Variants in LRRD1 observed in about 807,000 individuals in gnomAD.
LRRD1 encodes the protein leucine rich repeats and death domain containing 1, also known as leucine-rich repeat and death domain-containing protein 1.
LRRD1 carries 49 observed loss-of-function variants against 69.5 expected under a neutral mutation model. The ratio of observed to expected loss-of-function variants is 0.70; its 90% CI spans 0.56 to 0.89. The LOEUF (loss-of-function observed/expected upper bound fraction) is 0.89, where lower values mean the gene tolerates loss of function less well. Among genes scored for constraint, LRRD1 ranks in the 40% least tolerant of loss-of-function variants. LRRD1 has a pLI of 0.00. For missense variants in LRRD1, 853 were observed against 956.0 expected (o/e 0.89, Z 1.42); for synonymous variants, 303 against 338.9 (o/e 0.89, Z 1.16).
At chr7:92,147,835 G>A (rs1285515308) in intron 4 of LRRD1, among the ~76,000 whole-genome samples, 1 of 152,016 alleles carries the variant, frequency 6.6e-6, no homozygotes, top group Non-Finnish European at 1.5e-5. Flanking sequence ...AGGCTCAAGC[G>A]ACTCTCCCAC....
intron 1 of LRRD1, among the ~76,000 whole-genome samples, chr7:92,177,593 T>C (rs1201505526): frequency 6.6e-6 from 1 of 152,198 alleles, no homozygotes; most frequent in African/African-American, 2.4e-5. Flanking sequence ...GCTCTTACTT[T>C]CAAGGCTGTC....
chr7:92,155,240 G>A (rs1788627952), intron 3 of LRRD1, among the ~76,000 whole-genome samples: 1 of 152,170 alleles, frequency 6.6e-6, no homozygotes, highest in Admixed American at 6.5e-5. Context: ...ATGAACACAA[G>A]CACTGTGATA....
downstream of LRRD1, chr7:92,142,958 T>C (rs1820200527): frequency 3.8e-6 from 1 of 260,580 alleles, no homozygotes; most frequent in Non-Finnish European, 7.7e-6. Flanking sequence ...AGGTTGCCAC[T>C]GCTGGCTCAG....
At chr7:92,174,500 TATA>T (rs1789134503) in intron 1 of LRRD1, among the ~76,000 whole-genome samples, 11 of 20,404 alleles carry the variant, frequency 5.4e-4, no homozygotes, top group Non-Finnish European at 1.0e-3. Flanking sequence ...TATATATATA[TATA>T]TATATATTTT....
chr7:92,143,519 A>G (rs187796505), downstream of LRRD1, among the ~76,000 whole-genome samples: 301 of 152,242 alleles, frequency 2.0e-3, 1 homozygote, highest in African/African-American at 6.7e-3. Flanking sequence ...GCCCCGCGGG[A>G]AGGCAGCTAA....
In LRRD1 at chr7:92,156,163, C is replaced by G. The variant is rs568837632; in HGVS notation, c.2116+2842G>C. Among the ~76,000 whole-genome samples the G allele has an allele frequency of 3.9e-5, 6 of 152,320 alleles. No individual in the cohort carries two copies. The South Asian group carries it at 1.0e-3, about 26-fold the overall frequency. On this transcript the variant is annotated intron_variant, in intron 3 of 5. Coordinates refer to ENST00000458448, the MANE Select transcript of LRRD1 (RefSeq NM_001161528.2). ...AGACTCTCTATTCTGTCCCATTGAT[C>G]CTTATGTCTGTTGTTTTGCCAATAC... is the stretch of plus-strand genomic sequence containing the variant.
intron 4 of LRRD1, among the ~76,000 whole-genome samples, chr7:92,147,868 A>T (rs1027698954): frequency 6.6e-6 from 1 of 152,172 alleles, no homozygotes; most frequent in East Asian, 1.9e-4. Flanking sequence ...AGTAGCTGGG[A>T]CCACAAGCAT....
chr7:92,169,366 TGA>T (rs913519946), intron 1 of LRRD1, among the ~76,000 whole-genome samples: 1 of 151,696 alleles, frequency 6.6e-6, no homozygotes, highest in African/African-American at 2.4e-5. Flanking sequence ...ATGTTGGAAC[TGA>T]GAGGCTGGGC....
At chr7:92,148,914 A>AT (rs1245500648) in intron 4 of LRRD1, among the ~76,000 whole-genome samples, 10 of 151,862 alleles carry the variant, frequency 6.6e-5, no homozygotes, top group Admixed American at 6.6e-4. Context: ...TGCCCAGCTA[A>AT]TTTTTTGTAT....
intron 1 of LRRD1, among the ~76,000 whole-genome samples, chr7:92,172,085 C>T (rs1395575077): frequency 1.3e-5 from 2 of 152,200 alleles, no homozygotes; most frequent in African/African-American, 4.8e-5. Flanking sequence ...TGCCACTGCA[C>T]TCTCTGGCCT....
At position 92,163,814 on chromosome 7, in the gene LRRD1, G is replaced by A; in HGVS notation, c.1389C>T (p.Cys463=). The part of the protein sequence containing the change: ...ITDVPIEIKN[C]QKIIKIELSY... The stretch of plus-strand genomic sequence containing the variant: ...TCAATTCAATTTTAATTATTTTTTG[G>A]CAGTTTTTTATTTCAATGGGAACAT... Residue 463 remains cysteine, a synonymous_variant, in exon 2 of 6, where the codon TGC becomes TGT. Transcript: ENST00000458448. 1 of 1,496,180 alleles carries A rather than the reference G, an allele frequency of 6.7e-7. No homozygotes were observed. Among genetic ancestry groups the A allele is most frequent in the Non-Finnish European group, 8.9e-7 (1 of 1,127,488 alleles). The allele number at this position is 1,496,180 out of a possible 1,614,324, so 92.7% of individuals were successfully genotyped here.
chr7:92,143,487 TG>T (rs1820226332), downstream of LRRD1, among the ~76,000 whole-genome samples: 1 of 152,112 alleles, frequency 6.6e-6, no homozygotes, highest in Non-Finnish European at 1.5e-5. Context: ...TCGGGCATGG[TG>T]GGCTGCAGGT....
Position 92,175,333 on chromosome 7 carries a change from T to C in LRRD1, c.-75+3674A>G, listed in dbSNP as rs143176330. On this transcript the variant is annotated intron_variant, in intron 1 of 5. Transcript: ENST00000458448. Reference sequence around the variant, plus strand: ...ACAAGAAAGAGATGATCCACTCAAATTGAGTAATTTGAGGAAACTTTAACA... The same window carrying C: ...ACAAGAAAGAGATGATCCACTCAAACTGAGTAATTTGAGGAAACTTTAACA... Among the ~76,000 whole-genome samples the C allele has an allele frequency of 5.4e-3, 827 of 152,152 alleles. 7 individuals are homozygous for C. The highest frequency in any genetic ancestry group is 0.019 in the African/African-American group (786 of 41,518).
At chr7:92,142,372 ACAAG>A (rs1820175204), downstream of LRRD1, 1 of 442,274 alleles carries the variant, frequency 2.3e-6, no homozygotes, top group African/African-American at 2.0e-5. Flanking sequence ...GACAACATAA[ACAAG>A]GTTCTGTCTC....
rs1285127830 is a variant in LRRD1, at chr7:92,151,503, CA to C, written c.2117-809del. Among the ~76,000 whole-genome samples the C allele has an allele frequency of 1.2e-4, 19 of 152,310 alleles. No homozygotes were observed. The East Asian group carries it at 2.9e-3, about 23-fold the overall frequency. On this transcript the variant is annotated intron_variant, in intron 3 of 5. Coordinates refer to ENST00000458448, the MANE Select transcript of LRRD1 (RefSeq NM_001161528.2). ...GCTTGGATAACACAGTCTCTGCTAG[CA>C]TTCTCCAAGATAATGTTATAATTTT...
chr7:92,172,844 T>A (rs1789086642), intron 1 of LRRD1, among the ~76,000 whole-genome samples: 3 of 152,006 alleles, frequency 2.0e-5, no homozygotes, highest in Admixed American at 2.0e-4. Flanking sequence ...AAAAATCCAA[T>A]CCTATAATTT....
chr7:92,153,447 C>T (rs985737948), intron 3 of LRRD1, among the ~76,000 whole-genome samples: 2 of 151,360 alleles, frequency 1.3e-5, no homozygotes, highest in Admixed American at 1.3e-4. Context: ...AGTTGTTTGA[C>T]TTCTTAATTT....
chr7:92,171,737 C>G (rs1789061363), intron 1 of LRRD1, among the ~76,000 whole-genome samples: 1 of 152,206 alleles, frequency 6.6e-6, no homozygotes. Flanking sequence ...AGGCTAATAT[C>G]TCTGATGAAC....
At chr7:92,176,022 G>C (rs936956677) in intron 1 of LRRD1, among the ~76,000 whole-genome samples, 9 of 152,166 alleles carry the variant, frequency 5.9e-5, no homozygotes, top group African/African-American at 1.9e-4. Flanking sequence ...ATCTGGTAGA[G>C]AAAGTCCTCT....
Sources: allele counts gnomAD v4.1 joint callset (sites outside exome capture counted in the v4.1 genomes callset), GRCh38; gene constraint gnomAD v4.1.1; transcripts MANE v1.5; gene names NCBI Gene and HGNC (gene_info 2026-07-23, HGNC 2026-07-21).